The following SGCD variants were observed in gnomAD, a reference collection of about 807,000 sequenced individuals.
SGCD encodes the protein delta-sarcoglycan.
Under a neutral mutation model 36.6 loss-of-function variants are expected in SGCD, and 18 were observed. The observed-to-expected ratio is 0.49, with a 90% CI of 0.34 to 0.73. SGCD has a LOEUF of 0.73. Ranked by LOEUF, SGCD falls within the 30% of genes least tolerant of loss-of-function variation. The probability of loss-of-function intolerance (pLI) is 0.01; values close to 1 mark genes in which losing one functional copy is unlikely to be tolerated. For synonymous variants in SGCD, 133 were observed against 130.6 expected (o/e 1.02, Z -0.12); for missense variants, 387 against 346.7 (o/e 1.12, Z -0.92).
At chr5:155,837,761 C>A in the SGCD span, among the ~76,000 whole-genome samples, 1 of 152,172 alleles carries the variant, frequency 6.6e-6, no homozygotes, top group Non-Finnish European at 1.5e-5. Context: ...ACGTAGAAAT[C>A]AGCAAAATCA....
In SGCD at chr5:156,071,078, G is replaced by T. The variant is rs993264716; in HGVS notation, c.-281-46800G>T. 3.9e-5 allele frequency among the ~76,000 whole-genome samples: 6 copies of T among 151,992 alleles called. 1 individual carries two copies. Among genetic ancestry groups the T allele is most frequent in the Non-Finnish European group, 5.9e-5 (4 of 67,982 alleles). ...TCAATTTTGTTGATCCTTCCAAAAA[G>T]CAGCTCCTGGATTCATTAATATTTT... On this transcript the variant is annotated intron_variant, in intron 1 of 9. Coordinates refer to the SGCD transcript ENST00000517913.
intron 3 of SGCD, among the ~76,000 whole-genome samples, chr5:156,137,193 T>G (rs80026004): frequency 0.02 from 3,082 of 152,298 alleles, 44 homozygotes; most frequent in Non-Finnish European, 0.034. Context: ...GGTGACCAAA[T>G]AAGGTCTTTC....
chr5:156,049,142 C>A (rs1197603053), intron 1 of SGCD, among the ~76,000 whole-genome samples: 1 of 145,898 alleles, frequency 6.9e-6, no homozygotes, highest in Non-Finnish European at 1.5e-5. Context: ...TGTAGATATG[C>A]AGCATTATTT....
intron 7 of SGCD, among the ~76,000 whole-genome samples, chr5:156,725,728 C>T (rs1755739527): frequency 6.6e-6 from 1 of 152,176 alleles, no homozygotes; most frequent in Non-Finnish European, 1.5e-5. Flanking sequence ...GGAGTCTGCC[C>T]ACTGCCTGCT....
At position 156,691,759 on chromosome 5, in the gene SGCD, G is replaced by A. The variant is rs374884050; in HGVS notation, c.575+44223G>A. 3.2e-4 allele frequency among the ~76,000 whole-genome samples: 48 copies of A among 152,292 alleles called. No individual in the cohort carries two copies. The South Asian group carries it at 7.9e-3, about 25-fold the overall frequency. ...ATGGGCCATAGTTTACCAACCCCTA[G>A]ATTGGAATATTATGGACCCCAGCAA... On this transcript the variant is annotated intron_variant, in intron 7 of 8. Coordinates refer to ENST00000337851, the MANE Select transcript of SGCD (RefSeq NM_000337.6).
intron 3 of SGCD, among the ~76,000 whole-genome samples, chr5:156,297,796 A>G (rs1766937419): frequency 1.2e-5 from 1 of 83,134 alleles, no homozygotes; most frequent in Non-Finnish European, 2.3e-5. Flanking sequence ...ATAAAAAAAT[A>G]AATAAATAAA....
chr5:156,117,214 G>A (rs1761926009), intron 1 of SGCD, among the ~76,000 whole-genome samples: 1 of 151,976 alleles, frequency 6.6e-6, no homozygotes, highest in African/African-American at 2.4e-5. Flanking sequence ...TGGTCTAGTA[G>A]GGAAGACGCA....
chr5:156,443,622 T>C (rs1257640203), intron 3 of SGCD, among the ~76,000 whole-genome samples: 4 of 152,122 alleles, frequency 2.6e-5, no homozygotes, highest in African/African-American at 9.7e-5. Context: ...CCTCATGACA[T>C]GTAAAGACTC....
chr5:156,366,493 A>G (rs1371399519), intron 3 of SGCD, among the ~76,000 whole-genome samples: 1 of 152,200 alleles, frequency 6.6e-6, no homozygotes, highest in Admixed American at 6.5e-5. Flanking sequence ...GAATCAGCAA[A>G]TACTTTGTAC....
intron 3 of SGCD, among the ~76,000 whole-genome samples, chr5:156,212,305 A>AAT (rs1764464581): frequency 6.6e-6 from 1 of 152,242 alleles, no homozygotes; most frequent in East Asian, 1.9e-4. Context: ...GTGAGAGTGA[A>AAT]GGCATGTTCT....
At chr5:156,518,859 A>G (rs1487282531) in intron 4 of SGCD, among the ~76,000 whole-genome samples, 1 of 152,214 alleles carries the variant, frequency 6.6e-6, no homozygotes, top group Non-Finnish European at 1.5e-5. Context: ...AGCAGTGTTA[A>G]GAGGGAAATT....
At chr5:156,265,887 CAGCT>C (rs1446525613) in intron 3 of SGCD, among the ~76,000 whole-genome samples, 1 of 152,076 alleles carries the variant, frequency 6.6e-6, no homozygotes, top group Non-Finnish European at 1.5e-5. Flanking sequence ...TCTCACGAAT[CAGCT>C]AGTACCTAAG....
intron 4 of SGCD, among the ~76,000 whole-genome samples, chr5:156,535,387 G>T (rs887682480): frequency 6.6e-6 from 1 of 152,174 alleles, no homozygotes. Context: ...TTCCATTTAA[G>T]GGAGCTTATG....
chr5:156,747,748 G>A (rs1022430739), intron 7 of SGCD, among the ~76,000 whole-genome samples: 2 of 152,058 alleles, frequency 1.3e-5, no homozygotes, highest in African/African-American at 2.4e-5. Context: ...AAGTCATTAC[G>A]TCCAGCCCAC....
intron 1 of SGCD, among the ~76,000 whole-genome samples, chr5:156,103,856 ATC>A (rs1761581175): frequency 6.6e-6 from 1 of 152,144 alleles, no homozygotes; most frequent in African/African-American, 2.4e-5. Flanking sequence ...TATAATTTAA[ATC>A]TCTCTTAAAA....
Position 156,589,304 on chromosome 5 carries a change from C to G in SGCD, c.368C>G (p.Thr123Ser). The change falls in exon 5 of 9, where the codon ACT becomes AGT. Residue 123 changes from threonine (T) to serine (S), a missense_variant. Coordinates refer to ENST00000337851, the MANE Select transcript of SGCD (RefSeq NM_000337.6). ...CTCAATGACCAGACTAAAGTGCTAA[C>G]TCAGCTTATAACAGGTAAGAAAAGG... is the stretch of plus-strand genomic sequence containing the variant. ...NILNDQTKVL[T>S]QLITGPKAVE... The G allele has an allele frequency of 6.4e-7, 1 of 1,567,378 alleles. No homozygotes were observed. The highest frequency in any genetic ancestry group is 8.7e-7 in the Non-Finnish European group (1 of 1,153,324).
At chr5:156,738,884 C>T (rs1401147406) in intron 7 of SGCD, among the ~76,000 whole-genome samples, 1 of 152,182 alleles carries the variant, frequency 6.6e-6, no homozygotes, top group Non-Finnish European at 1.5e-5. Context: ...AAGCCTTCTC[C>T]AAGGTGAAAC....
chr5:156,577,992 C>G (rs1374054828), intron 4 of SGCD, among the ~76,000 whole-genome samples: 1 of 152,148 alleles, frequency 6.6e-6, no homozygotes, highest in Non-Finnish European at 1.5e-5. Flanking sequence ...CTGTTTTGTG[C>G]CAGTTTTCAA....
At chr5:156,285,993 C>G (rs932424897) in intron 3 of SGCD, among the ~76,000 whole-genome samples, 3 of 151,946 alleles carry the variant, frequency 2.0e-5, no homozygotes, top group African/African-American at 7.3e-5. Flanking sequence ...AACGAACAAC[C>G]CTATCAAAAA....
Sources: allele counts gnomAD v4.1 joint callset (sites outside exome capture counted in the v4.1 genomes callset), GRCh38; gene constraint gnomAD v4.1.1; transcripts MANE v1.5; gene names NCBI Gene and HGNC (gene_info 2026-07-23, HGNC 2026-07-21).